CLCN4: variants seen among roughly 807,000 people sequenced by gnomAD.
The protein encoded by CLCN4 is H(+)/Cl(-) exchange transporter 4.
In CLCN4, 1 loss-of-function variant was observed where a neutral mutation model predicts 41.7. The ratio of observed to expected loss-of-function variants is 0.02; its 90% CI spans 0.01 to 0.11. CLCN4 has a LOEUF of 0.11. Ranked by LOEUF, CLCN4 falls within the 10% of genes least tolerant of loss-of-function variation. The pLI is 1.00. For synonymous variants in CLCN4, 277 were observed against 285.8 expected, an observed-to-expected ratio of 0.97 and a Z score of 0.31; for missense variants, 287 against 661.0, an observed-to-expected ratio of 0.43 and a Z score of 6.20.
chrX:10,171,221 G>A (rs2147160354), intron 2 of CLCN4, among the ~76,000 whole-genome samples: 1 of 112,204 alleles, frequency 8.9e-6, no homozygotes, highest in South Asian at 3.6e-4. Context: ...GTTTTACTTT[G>A]CCCAACTAGT....
At chrX:10,170,946 G>A (rs992363577) in intron 2 of CLCN4, among the ~76,000 whole-genome samples, 2 of 112,389 alleles carry the variant, frequency 1.8e-5, no homozygotes, top group Non-Finnish European at 3.8e-5. Context: ...GTGCAGTGGC[G>A]CGATCTCCGC....
chrX:10,221,012 T>C (rs1362254107), intron 12 of CLCN4, 135 bp downstream of exon 12: 2 of 549,694 alleles, frequency 3.6e-6, no homozygotes, highest in East Asian at 3.6e-5. Context: ...CTGTGGTGAA[T>C]GTGTTGAGGA....
Position 10,158,367 on chromosome X carries a change from C to T in CLCN4, c.-196C>T. On this transcript the variant is annotated 5_prime_UTR_variant, in exon 2 of 13. Coordinates refer to ENST00000380833, the MANE Select transcript of CLCN4 (RefSeq NM_001830.4). ...GGTTTCTGGCCATCGACCCTCACCT[C>T]CCGGGACTTCCAGGGTCTTCCCCCC... 3.4e-6 allele frequency: 1 copy of T among 295,772 alleles called. No homozygotes were observed. The highest frequency in any genetic ancestry group is 5.9e-6 in the Non-Finnish European group (1 of 168,776). 24.4% of individuals were successfully genotyped at this position (295,772 alleles called of 1,213,427 possible). A position where few individuals can be genotyped will look rare whatever the true frequency, so the allele number is the denominator to read the frequency against.
At chrX:10,179,687 A>T (rs1923623115) in intron 2 of CLCN4, among the ~76,000 whole-genome samples, 1 of 111,632 alleles carries the variant, frequency 9.0e-6, no homozygotes, top group Non-Finnish European at 1.9e-5. Flanking sequence ...ACAAGGCGAC[A>T]TGCAGGGGGA....
chrX:10,231,593 T>A (rs892670522), intron 12 of CLCN4, among the ~76,000 whole-genome samples: 1 of 111,939 alleles, frequency 8.9e-6, no homozygotes, highest in Non-Finnish European at 1.9e-5. Context: ...AAGATTTCCT[T>A]TGAAGAGTCC....
At position 10,181,323 on chromosome X, in the gene CLCN4, C is replaced by T. The variant is rs1332078968; in HGVS notation, c.-11-3699C>T. Among the ~76,000 whole-genome samples, 4 of 107,132 alleles carry T rather than the reference C, an allele frequency of 3.7e-5. No individual in the cohort carries two copies. The Admixed American group carries it at 4.0e-4, about 11-fold the overall frequency. The allele number at this position is 107,132 out of a possible 115,157, so 93.0% of individuals were successfully genotyped here. On this transcript the variant is annotated intron_variant, in intron 2 of 12. Coordinates refer to ENST00000380833, the MANE Select transcript of CLCN4 (RefSeq NM_001830.4). ...GTGTTGAGCTGTGATTGTGCCACTG[C>T]ACTCTACTGTGGGTGACAGAGTGAG... is the stretch of plus-strand genomic sequence containing the variant.
chrX:10,177,934 A>T (rs1923574776), intron 2 of CLCN4, among the ~76,000 whole-genome samples: 1 of 112,151 alleles, frequency 8.9e-6, no homozygotes, highest in Non-Finnish European at 1.9e-5. Flanking sequence ...ATGGAATCTT[A>T]TTCAGCAATA....
At chrX:10,174,851 C>A (rs893537857) in intron 2 of CLCN4, among the ~76,000 whole-genome samples, 5 of 112,150 alleles carry the variant, frequency 4.5e-5, no homozygotes, top group Non-Finnish European at 7.5e-5. Flanking sequence ...CCTCCCTGCC[C>A]CTCAGAATAC....
chrX:10,184,109 C>T (rs1923752077), intron 2 of CLCN4, among the ~76,000 whole-genome samples: 1 of 112,453 alleles, frequency 8.9e-6, no homozygotes, highest in Non-Finnish European at 1.9e-5. Flanking sequence ...CATAGGCTGC[C>T]TGCCTGAGTG....
intron 12 of CLCN4, among the ~76,000 whole-genome samples, chrX:10,223,478 G>T (rs185323560): frequency 2.7e-4 from 30 of 111,971 alleles, no homozygotes; most frequent in Non-Finnish European, 4.5e-4. Context: ...TGCTGCGTTA[G>T]TGCTGGCAAG....
intron 4 of CLCN4, among the ~76,000 whole-genome samples, chrX:10,192,360 G>T (rs1296818249): frequency 1.8e-5 from 2 of 111,501 alleles, no homozygotes; most frequent in African/African-American, 6.5e-5. Context: ...GGAATGCCAG[G>T]GAAGTACACC....
rs1358498600 is a variant in CLCN4, at chrX:10,213,933, C to T, written c.1829C>T (p.Ser610Leu). ...MRPRRGEPPL[S>L]VLTQDSMTVE... The stretch of plus-strand genomic sequence containing the variant: ...CCCCGGCGGGGAGAGCCGCCACTGT[C>T]GGTGCTCACCCAGGACAGCATGACT... The change falls in exon 11 of 13, where the codon TCG becomes TTG. Residue 610 changes from serine to leucine, a missense_variant. Physicochemically the swap from Ser to Leu is moderately radical, Grantham distance 145. Transcript: ENST00000380833. 7 of 1,212,052 alleles carry T rather than the reference C, an allele frequency of 5.8e-6. No individual in the cohort carries two copies. The highest frequency in any genetic ancestry group is 2.2e-5 in the Admixed American group (1 of 46,096).
rs775276735 is a variant in CLCN4 at position 10,235,082 on chromosome X, G to C, written c.*1498G>C. ...AGGGCTGGATAAGAACCCTGAGAGG[G>C]GGTACTCCAGGACTGTCTCCATAAC... is the stretch of plus-strand genomic sequence containing the variant. On this transcript the variant is annotated 3_prime_UTR_variant, in exon 13 of 13. Coordinates refer to ENST00000380833, the MANE Select transcript of CLCN4 (RefSeq NM_001830.4). The C allele has an allele frequency of 3.4e-4, 38 of 112,069 alleles. No homozygotes were observed. Among genetic ancestry groups the C allele is most frequent in the Non-Finnish European group, 6.6e-4 (35 of 53,223 alleles). The allele number at this position is 112,069 out of a possible 1,213,427, so 9.2% of individuals were successfully genotyped here.
chrX:10,232,769 C>T (rs1925157614), intron 12 of CLCN4, among the ~76,000 whole-genome samples: 1 of 110,256 alleles, frequency 9.1e-6, no homozygotes. Context: ...CTCCTTGGCA[C>T]TGTGTGATAT....
At chrX:10,168,265 C>T (rs182188658) in intron 2 of CLCN4, among the ~76,000 whole-genome samples, 4 of 111,922 alleles carry the variant, frequency 3.6e-5, no homozygotes, top group Non-Finnish European at 5.6e-5. Context: ...TTTGGGCATT[C>T]GGCCTTTGCA....
At chrX:10,193,941 G>A (rs745399826) in intron 4 of CLCN4, among the ~76,000 whole-genome samples, 17 of 91,549 alleles carry the variant, frequency 1.9e-4, no homozygotes, top group Non-Finnish European at 3.3e-4. Flanking sequence ...GTGACTAGAG[G>A]GAAAGTGGAA....
chrX:10,207,225 G>C (rs5978383), intron 8 of CLCN4, among the ~76,000 whole-genome samples: 2,791 of 112,338 alleles, frequency 0.025, 83 homozygotes, highest in African/African-American at 0.086. Context: ...CCGGCCACCA[G>C]CGATAAATTC....
intron 2 of CLCN4, among the ~76,000 whole-genome samples, chrX:10,178,221 G>A (rs1298244606): frequency 8.9e-6 from 1 of 111,795 alleles, no homozygotes; most frequent in Non-Finnish European, 1.9e-5. Flanking sequence ...GTGATGATTG[G>A]ACAGCCTTGT....
chrX:10,170,363 TG>T (rs1923358499), intron 2 of CLCN4, among the ~76,000 whole-genome samples: 1 of 111,741 alleles, frequency 8.9e-6, no homozygotes, highest in African/African-American at 3.3e-5. Context: ...CAGCCAAATA[TG>T]GGAGGAAGCA....
Sources: allele counts gnomAD v4.1 joint callset (sites outside exome capture counted in the v4.1 genomes callset), GRCh38; gene constraint gnomAD v4.1.1; transcripts MANE v1.5; gene names NCBI Gene and HGNC (gene_info 2026-07-23, HGNC 2026-07-21).